The following AGMO variants were observed in gnomAD, a reference collection of about 807,000 sequenced individuals.
AGMO encodes the protein alkylglycerol monooxygenase, also known as glyceryl-ether monooxygenase.
A neutral mutation model predicts 60.2 loss-of-function variants in AGMO; 75 were observed. The observed-to-expected ratio is 1.25, with a 90% CI of 1.03 to 1.51. The LOEUF is 1.51. Among genes scored for constraint, AGMO ranks in the 40% most tolerant of loss-of-function variants. AGMO has a pLI of 0.00. For missense variants in AGMO, 763 were observed against 525.5 expected, an observed-to-expected ratio of 1.45 and a Z score of -4.42; for synonymous variants, 261 against 177.1, an observed-to-expected ratio of 1.47 and a Z score of -3.76.
At chr7:15,374,055 G>C (rs889797110) in intron 10 of AGMO, among the ~76,000 whole-genome samples, 1 of 152,160 alleles carries the variant, frequency 6.6e-6, no homozygotes, top group Admixed American at 6.5e-5. Context: ...TGAGCTTGCG[G>C]ATTTGTTATG....
At chr7:15,351,214 G>A (rs1317031313) in intron 12 of AGMO, among the ~76,000 whole-genome samples, 2 of 152,102 alleles carry the variant, frequency 1.3e-5, no homozygotes, top group Admixed American at 6.6e-5. Flanking sequence ...GGGTCCTCAT[G>A]AAAATGCAAA....
intron 12 of AGMO, among the ~76,000 whole-genome samples, chr7:15,343,954 A>C (rs7809447): frequency 0.031 from 4,709 of 152,240 alleles, 237 homozygotes; most frequent in African/African-American, 0.11. Context: ...AACAATAATA[A>C]TATTTTCCTT....
At chr7:15,312,454 G>A (rs1303326449) in intron 12 of AGMO, among the ~76,000 whole-genome samples, 1 of 148,176 alleles carries the variant, frequency 6.7e-6, no homozygotes, top group Admixed American at 6.9e-5. Flanking sequence ...AGGGAGTCAT[G>A]GAAATCACAG....
At chr7:15,211,052 T>C (rs1781574351) in intron 12 of AGMO, among the ~76,000 whole-genome samples, 1 of 151,256 alleles carries the variant, frequency 6.6e-6, no homozygotes, top group Admixed American at 6.6e-5. Context: ...AAGGGACTGG[T>C]AAAACAAAAG....
intron 12 of AGMO, among the ~76,000 whole-genome samples, chr7:15,205,651 T>C (rs1781420525): frequency 6.6e-6 from 1 of 152,116 alleles, no homozygotes; most frequent in South Asian, 2.1e-4. Context: ...TAAAATGGCA[T>C]TTTCGTGAAG....
At chr7:15,147,915 C>G in the AGMO span, among the ~76,000 whole-genome samples, 1 of 152,136 alleles carries the variant, frequency 6.6e-6, no homozygotes, top group Non-Finnish European at 1.5e-5. Context: ...ATTATTTTGA[C>G]TATTATTCAA....
At chr7:15,248,628 T>C (rs1470394099) in intron 12 of AGMO, among the ~76,000 whole-genome samples, 4 of 152,086 alleles carry the variant, frequency 2.6e-5, no homozygotes, top group African/African-American at 4.8e-5. Flanking sequence ...TTAATGACAC[T>C]TGCTATAAAC....
At chr7:15,395,898 G>C (rs1439640049) in intron 5 of AGMO, 1 of 152,118 alleles carries the variant, frequency 6.6e-6, no homozygotes, top group Non-Finnish European at 1.5e-5. Context: ...ATGTGAATAG[G>C]TGGGGTGACC....
the AGMO span, among the ~76,000 whole-genome samples, chr7:15,183,053 G>T: frequency 6.6e-6 from 1 of 151,996 alleles, no homozygotes; most frequent in Non-Finnish European, 1.5e-5. Context: ...CTTCAACATT[G>T]GGGATTACAA....
chr7:15,532,587 G>A (rs1043222758), intron 3 of AGMO, among the ~76,000 whole-genome samples: 11 of 152,186 alleles, frequency 7.2e-5, no homozygotes, highest in South Asian at 2.1e-4. Context: ...TGACTAGTAG[G>A]ACTGACACAC....
intron 3 of AGMO, among the ~76,000 whole-genome samples, chr7:15,448,296 T>G (rs571243886): frequency 6.6e-6 from 1 of 152,290 alleles, no homozygotes; most frequent in East Asian, 1.9e-4. Flanking sequence ...ATTAGTGCCC[T>G]TCTAAAAGAG....
intron 5 of AGMO, among the ~76,000 whole-genome samples, chr7:15,405,231 A>G (rs768305077): frequency 5.3e-5 from 8 of 151,892 alleles, no homozygotes; most frequent in Non-Finnish European, 1.0e-4. Flanking sequence ...ATAAACAAAC[A>G]TATTGTAGAC....
intron 12 of AGMO, among the ~76,000 whole-genome samples, chr7:15,271,797 G>A (rs899567144): frequency 5.9e-5 from 9 of 152,146 alleles, no homozygotes; most frequent in African/African-American, 2.2e-4. Flanking sequence ...GATGTTGGCT[G>A]TGGATATGTC....
At chr7:15,124,128 A>C in the AGMO span, among the ~76,000 whole-genome samples, 1 of 152,222 alleles carries the variant, frequency 6.6e-6, no homozygotes, top group East Asian at 1.9e-4. Flanking sequence ...TCCCACATAG[A>C]GTTTCACTGT....
At chr7:15,478,500 C>T (rs1782656554) in intron 3 of AGMO, among the ~76,000 whole-genome samples, 1 of 152,142 alleles carries the variant, frequency 6.6e-6, no homozygotes, top group African/African-American at 2.4e-5. Flanking sequence ...AGCTAATATA[C>T]TTTACAAAAA....
At chr7:15,368,738 T>C (rs2128563327) in intron 10 of AGMO, among the ~76,000 whole-genome samples, 1 of 152,278 alleles carries the variant, frequency 6.6e-6, no homozygotes. Context: ...ATAGAAGTTC[T>C]AATTAGCTCT....
At chr7:15,263,199 C>T (rs1475434082) in intron 12 of AGMO, among the ~76,000 whole-genome samples, 1 of 151,878 alleles carries the variant, frequency 6.6e-6, no homozygotes, top group African/African-American at 2.4e-5. Context: ...GATTTAATAT[C>T]CAGAATCTAC....
intron 12 of AGMO, among the ~76,000 whole-genome samples, chr7:15,350,919 G>A (rs563712091): frequency 6.6e-6 from 1 of 152,252 alleles, no homozygotes; most frequent in East Asian, 1.9e-4. Context: ...ATTGTTCAGT[G>A]TTGTTTCTCC....
intron 12 of AGMO, among the ~76,000 whole-genome samples, chr7:15,276,386 T>C (rs1317277475): frequency 6.6e-6 from 1 of 152,194 alleles, no homozygotes; most frequent in African/African-American, 2.4e-5. Context: ...TTGTAAGGTT[T>C]CTGCTCAGAA....
Sources: allele counts gnomAD v4.1 joint callset (sites outside exome capture counted in the v4.1 genomes callset), GRCh38; gene constraint gnomAD v4.1.1; transcripts MANE v1.5; gene names NCBI Gene and HGNC (gene_info 2026-07-23, HGNC 2026-07-21).